CCR5AS: variants seen among roughly 807,000 people sequenced by gnomAD.
CCR5AS encodes the protein CCR5 antisense RNA.
chr3:46,369,609 T>C (rs1701635066), intron 3 of CCR5AS, among the ~76,000 whole-genome samples: 2 of 152,188 alleles, frequency 1.3e-5, no homozygotes, highest in Admixed American at 6.5e-5. Context: ...CCAATTTTAT[T>C]AGGATTTGAT....
chr3:46,399,274 T>C (rs142190136), intron 1 of CCR5AS, among the ~76,000 whole-genome samples: 1 of 152,314 alleles, frequency 6.6e-6, no homozygotes, highest in East Asian at 1.9e-4. Context: ...TTCCTGTTCA[T>C]GGGCACTTGA....
At chr3:46,401,655 A>T (rs967425901) in intron 1 of CCR5AS, among the ~76,000 whole-genome samples, 14 of 152,210 alleles carry the variant, frequency 9.2e-5, no homozygotes, top group Admixed American at 5.9e-4. Context: ...GAACGCAGAC[A>T]TGGGTCTCAG....
intron 1 of CCR5AS, among the ~76,000 whole-genome samples, chr3:46,397,905 C>G (rs983322025): frequency 6.6e-6 from 1 of 151,788 alleles, no homozygotes; most frequent in Non-Finnish European, 1.5e-5. Flanking sequence ...CGGTCACTGT[C>G]TGGTGCAGAC....
chr3:46,402,343 A>T (rs1702011665), intron 1 of CCR5AS, among the ~76,000 whole-genome samples: 1 of 152,222 alleles, frequency 6.6e-6, no homozygotes, highest in Non-Finnish European at 1.5e-5. Context: ...TGGGGGCAGG[A>T]TAAGATGGTC....
At chr3:46,404,404 G>A (rs1192294862) in intron 1 of CCR5AS, among the ~76,000 whole-genome samples, 2 of 143,334 alleles carry the variant, frequency 1.4e-5, no homozygotes, top group Non-Finnish European at 1.5e-5. Context: ...GCACAATCTT[G>A]GCTCACGGCA....
intron 1 of CCR5AS, among the ~76,000 whole-genome samples, chr3:46,398,405 G>A (rs1258672202): frequency 6.6e-6 from 1 of 152,178 alleles, no homozygotes; most frequent in Non-Finnish European, 1.5e-5. Context: ...GTGATAGCTG[G>A]CAGAGCTAAT....
At chr3:46,397,163 C>T (rs1267425604) in intron 1 of CCR5AS, among the ~76,000 whole-genome samples, 2 of 151,912 alleles carry the variant, frequency 1.3e-5, no homozygotes, top group Admixed American at 1.3e-4. Flanking sequence ...CCCTGCCTCT[C>T]GTGAGCCAGG....
chr3:46,399,770 A>C (rs1355962676), intron 1 of CCR5AS, among the ~76,000 whole-genome samples: 2 of 152,198 alleles, frequency 1.3e-5, no homozygotes, highest in Non-Finnish European at 2.9e-5. Flanking sequence ...TGAGAAAAGC[A>C]GAAGATGAGA....
intron 1 of CCR5AS, among the ~76,000 whole-genome samples, chr3:46,399,992 A>G (rs1003255760): frequency 6.6e-6 from 1 of 152,088 alleles, no homozygotes; most frequent in African/African-American, 2.4e-5. Flanking sequence ...GGTTTTACTT[A>G]TTTTTATTTT....
chr3:46,383,647 G>GGAT (rs994297953), intron 2 of CCR5AS, among the ~76,000 whole-genome samples: 2 of 152,146 alleles, frequency 1.3e-5, no homozygotes, highest in Admixed American at 6.5e-5. Context: ...GGTAAGAGAG[G>GGAT]GATGGGAAGT....
intron 3 of CCR5AS, among the ~76,000 whole-genome samples, chr3:46,365,820 C>T (rs1701593452): frequency 6.6e-6 from 1 of 152,176 alleles, no homozygotes; most frequent in South Asian, 2.1e-4. Flanking sequence ...TGCCCAGTTC[C>T]CTCCTGTGGT....
intron 1 of CCR5AS, among the ~76,000 whole-genome samples, chr3:46,395,201 C>T (rs188853369): frequency 3.2e-4 from 49 of 152,116 alleles, no homozygotes; most frequent in African/African-American, 1.1e-3. Context: ...ATGGGGAGCA[C>T]TGGTTTTAGG....
At chr3:46,406,423 C>T (rs1021362673) in intron 1 of CCR5AS, among the ~76,000 whole-genome samples, 2 of 151,918 alleles carry the variant, frequency 1.3e-5, no homozygotes, top group East Asian at 1.9e-4. Context: ...GTGCCCTCCC[C>T]GTCCCACTCT....
At chr3:46,405,056 C>A (rs1370742005) in intron 1 of CCR5AS, among the ~76,000 whole-genome samples, 1 of 152,310 alleles carries the variant, frequency 6.6e-6, no homozygotes, top group East Asian at 1.9e-4. Context: ...CAAGGAGGCC[C>A]TATTATGGCT....
At chr3:46,394,566 G>A (rs913490052) in intron 1 of CCR5AS, among the ~76,000 whole-genome samples, 3 of 152,066 alleles carry the variant, frequency 2.0e-5, no homozygotes, top group Non-Finnish European at 2.9e-5. Context: ...CCAGTGGCGC[G>A]TGCACACCTG....
intron 1 of CCR5AS, among the ~76,000 whole-genome samples, chr3:46,393,295 GCC>G (rs1465666687): frequency 6.6e-6 from 1 of 151,842 alleles, no homozygotes; most frequent in African/African-American, 2.4e-5. Flanking sequence ...GGCAGGAGCG[GCC>G]TATTTTCACT....
intron 3 of CCR5AS, among the ~76,000 whole-genome samples, chr3:46,368,681 G>A (rs751268919): frequency 3.3e-5 from 5 of 152,204 alleles, no homozygotes; most frequent in Non-Finnish European, 5.9e-5. Context: ...GGTCTAGCAC[G>A]TCATTTAACA....
chr3:46,397,651 C>G (rs1355443216), intron 1 of CCR5AS, among the ~76,000 whole-genome samples: 1 of 152,168 alleles, frequency 6.6e-6, no homozygotes, highest in Non-Finnish European at 1.5e-5. Context: ...ACCTTGCTCT[C>G]CAATCTTCTG....
At chr3:46,398,427 T>C (rs1701979284) in intron 1 of CCR5AS, among the ~76,000 whole-genome samples, 1 of 152,242 alleles carries the variant, frequency 6.6e-6, no homozygotes, top group Non-Finnish European at 1.5e-5. Flanking sequence ...AACCTCTGTA[T>C]ACCTCTAAGA....
Sources: allele counts gnomAD v4.1 joint callset (sites outside exome capture counted in the v4.1 genomes callset), GRCh38; gene constraint gnomAD v4.1.1; transcripts MANE v1.5; gene names NCBI Gene and HGNC (gene_info 2026-07-23, HGNC 2026-07-21).